IDE: variants seen among roughly 807,000 people sequenced by gnomAD.
The protein encoded by IDE is insulin degrading enzyme, also known as insulin-degrading enzyme.
Under a neutral mutation model 133.2 loss-of-function variants are expected in IDE, and 58 were observed. The ratio of observed to expected loss-of-function variants is 0.44; its 90% CI spans 0.35 to 0.54. The LOEUF is 0.54. IDE is among the 20% of genes least tolerant of loss of function. The pLI, the probability that IDE is intolerant of heterozygous loss-of-function variation, is 0.00. For missense variants in IDE, 981 were observed against 1,234.0 expected (o/e 0.79, Z 3.07); for synonymous variants, 396 against 421.3 (o/e 0.94, Z 0.73).
intron 11 of IDE, among the ~76,000 whole-genome samples, chr10:92,501,355 C>CT (rs1253925750): frequency 1.1e-5 from 1 of 89,348 alleles, no homozygotes; most frequent in South Asian, 4.1e-4. Flanking sequence ...GAGCAAGACT[C>CT]TGTCATTAAA....
chr10:92,550,060 C>T (rs1317747777), intron 1 of IDE, among the ~76,000 whole-genome samples: 2 of 152,030 alleles, frequency 1.3e-5, no homozygotes, highest in East Asian at 1.9e-4. Flanking sequence ...CCCAGCTACT[C>T]GGGAGGCTGA....
chr10:92,571,781 T>TC (rs1169109034), intron 1 of IDE, among the ~76,000 whole-genome samples: 2 of 152,226 alleles, frequency 1.3e-5, no homozygotes, highest in Non-Finnish European at 2.9e-5. Context: ...AGTTAAGAGC[T>TC]CAGGCTCCGA....
Position 92,452,534 on chromosome 10 carries a change from G to C in IDE, c.*1910C>G, listed in dbSNP as rs138530687. ...AGCTCTAGATCCAACCTGGAAATTG[G>C]AAAATGCTGACGCATACCAAACAAT... On this transcript the variant is annotated 3_prime_UTR_variant, in exon 25 of 25. Coordinates refer to ENST00000265986, the MANE Select transcript of IDE (RefSeq NM_004969.4). 1.3e-5 allele frequency: 2 copies of C among 152,296 alleles called. No individual in the cohort carries two copies. The highest frequency in any genetic ancestry group is 4.8e-5 in the African/African-American group (2 of 41,554). 9.4% of individuals were successfully genotyped at this position (152,296 alleles called of 1,614,324 possible).
chr10:92,563,108 G>A (rs959270435), intron 1 of IDE, among the ~76,000 whole-genome samples: 7 of 152,190 alleles, frequency 4.6e-5, no homozygotes, highest in South Asian at 2.1e-4. Flanking sequence ...AAAATTAGCC[G>A]GGCGTGGTGG....
At chr10:92,517,917 T>C (rs1849013980) in intron 4 of IDE, among the ~76,000 whole-genome samples, 1 of 152,102 alleles carries the variant, frequency 6.6e-6, no homozygotes, top group Non-Finnish European at 1.5e-5. Context: ...CTCTGTCTGA[T>C]TGATTGATAG....
intron 1 of IDE, 102 bp downstream of exon 1, chr10:92,573,820 C>T (rs1843919290): frequency 1.3e-6 from 1 of 792,258 alleles, no homozygotes; most frequent in Admixed American, 4.2e-5. Context: ...GCGTGAGGGG[C>T]AGCGGTGGCG....
intron 1 of IDE, among the ~76,000 whole-genome samples, chr10:92,568,950 G>GT (rs550580732): frequency 6.4e-4 from 98 of 152,058 alleles, no homozygotes; most frequent in African/African-American, 2.1e-3. Flanking sequence ...GTACACAGGT[G>GT]TTTTTTTCTT....
At chr10:92,562,601 T>C (rs570709342) in intron 1 of IDE, among the ~76,000 whole-genome samples, 1 of 152,150 alleles carries the variant, frequency 6.6e-6, no homozygotes, top group Non-Finnish European at 1.5e-5. Context: ...TCAATCTTAC[T>C]GATATCTTCC....
In IDE at chr10:92,531,844, C is replaced by T. The variant is rs752071074; in HGVS notation, c.565G>A (p.Glu189Lys). 6.3e-7 allele frequency: 1 copy of T among 1,599,754 alleles called. No homozygotes were observed. The highest frequency in any genetic ancestry group is 1.7e-5 in the Admixed American group (1 of 59,334). ...KDREVNAVDS[E>K]HEKNVMNDAW... ...TCATTCATCACATTCTTCTCATGTT[C>T]TGAATCAACTGCATTCACCTCTCTG... The change falls in exon 4 of 25, where the codon GAA becomes AAA. Residue 189 changes from glutamate (E) to lysine (K), a missense_variant. Around this residue, in one of 2 missense-constraint regions of IDE, gnomAD observed 321 missense variants for 339.3 expected, o/e 0.95. Transcript: ENST00000265986.
chr10:92,487,382 T>C, intron 12 of IDE, 64 bp from the exon 13 acceptor site: 1 of 1,378,124 alleles, frequency 7.3e-7, no homozygotes, highest in East Asian at 2.3e-5. Flanking sequence ...AAATAGTATC[T>C]CTGCTCAATA....
At chr10:92,496,823 CAAACACAGAT>C (rs1489685579) in intron 11 of IDE, among the ~76,000 whole-genome samples, 1 of 152,084 alleles carries the variant, frequency 6.6e-6, no homozygotes, top group East Asian at 1.9e-4. Flanking sequence ...ATCACATCTC[CAAACACAGAT>C]AAGTCACAAT....
chr10:92,542,608 G>C (rs1255549073), intron 1 of IDE, among the ~76,000 whole-genome samples: 1 of 152,210 alleles, frequency 6.6e-6, no homozygotes, highest in Non-Finnish European at 1.5e-5. Context: ...TATCTTTTAA[G>C]TGTGGTGACA....
chr10:92,469,271 C>T (rs1845843194), intron 18 of IDE, among the ~76,000 whole-genome samples: 1 of 152,152 alleles, frequency 6.6e-6, no homozygotes, highest in African/African-American at 2.4e-5. Context: ...ATCCTGACTA[C>T]AGACACCTGG....
chr10:92,515,119 T>C (rs1287542514), intron 4 of IDE, 77 bp from the exon 5 acceptor site: 3 of 1,125,232 alleles, frequency 2.7e-6, no homozygotes, highest in South Asian at 1.5e-5. Flanking sequence ...ATCACTGATA[T>C]TGCTTAAGAT....
chr10:92,505,905 T>C (rs905294501), intron 10 of IDE, among the ~76,000 whole-genome samples: 2 of 152,202 alleles, frequency 1.3e-5, no homozygotes, highest in African/African-American at 4.8e-5. Context: ...CCACATCACC[T>C]TGTAGGCCAA....
At position 92,453,029 on chromosome 10, in the gene IDE, C is replaced by T. The variant is rs1356025620; in HGVS notation, c.*1415G>A. 3 of 152,168 alleles carry T rather than the reference C, an allele frequency of 2.0e-5. No individual in the cohort carries two copies. Among genetic ancestry groups the T allele is most frequent in the Non-Finnish European group, 4.4e-5 (3 of 68,022 alleles). 9.4% of individuals were successfully genotyped at this position (152,168 alleles called of 1,614,324 possible). On this transcript the variant is annotated 3_prime_UTR_variant, in exon 25 of 25. Transcript: ENST00000265986. ...ATTTGGAAAATGGCAAATGTAAAAA[C>T]TTAAGATGTGAAAAGGTATGACTTT...
At chr10:92,544,024 A>G (rs1296255681) in intron 1 of IDE, among the ~76,000 whole-genome samples, 4 of 152,096 alleles carry the variant, frequency 2.6e-5, no homozygotes, top group Admixed American at 6.6e-5. Flanking sequence ...CCTGAGGTCA[A>G]GAGTTTGAGA....
intron 1 of IDE, among the ~76,000 whole-genome samples, chr10:92,543,376 T>C (rs185458345): frequency 6.6e-6 from 1 of 152,286 alleles, no homozygotes; most frequent in East Asian, 1.9e-4. Flanking sequence ...CTTAAGACCA[T>C]ATACCCCAAG....
intron 5 of IDE, among the ~76,000 whole-genome samples, chr10:92,513,563 C>A (rs768340691): frequency 2.0e-5 from 3 of 151,668 alleles, no homozygotes; most frequent in Non-Finnish European, 4.4e-5. Context: ...CAAAATGGGA[C>A]CATATAGCAC....
Sources: gnomAD v4.1 joint callset for allele counts (sites outside exome capture counted in the v4.1 genomes callset) on GRCh38, gnomAD v4.1.1 for gene constraint, gnomAD v4.1.1 regional missense constraint, MANE v1.5 for transcripts, NCBI Gene and HGNC (gene_info 2026-07-23, HGNC 2026-07-21) for gene names.